Variants in ADAMTSL3 observed in about 807,000 individuals in gnomAD.
ADAMTSL3 encodes ADAMTS-like protein 3.
ADAMTSL3 carries 128 observed loss-of-function variants against 201.7 expected under a neutral mutation model. The observed-to-expected ratio is 0.63, with a 90% CI of 0.55 to 0.73. The LOEUF (loss-of-function observed/expected upper bound fraction) is 0.73, where lower values mean the gene tolerates loss of function less well. Ranked by LOEUF, ADAMTSL3 falls within the 30% of genes least tolerant of loss-of-function variation. ADAMTSL3 has a pLI of 0.00. For missense variants in ADAMTSL3, 1,990 were observed against 2,119.6 expected (o/e 0.94, Z 1.20); for synonymous variants, 738 against 748.4 (o/e 0.99, Z 0.23).
At chr15:84,021,341 C>T in intron 25 of ADAMTSL3, 69 bp from the exon 26 acceptor site, 2 of 1,565,252 alleles carry the variant, frequency 1.3e-6, no homozygotes, top group African/African-American at 1.4e-5. Flanking sequence ...TGGTTTTTGG[C>T]CATGTCTTCT....
intron 2 of ADAMTSL3, among the ~76,000 whole-genome samples, chr15:83,683,591 C>T (rs2061501545): frequency 6.6e-6 from 1 of 152,184 alleles, no homozygotes. Flanking sequence ...AATGAAGACT[C>T]ATTTGAGCAT....
At position 84,038,499 on chromosome 15, in the gene ADAMTSL3, A is replaced by G. The variant is rs2068548930; in HGVS notation, c.*693A>G. On this transcript the variant is annotated 3_prime_UTR_variant, in exon 30 of 30. Coordinates refer to ENST00000286744, the MANE Select transcript of ADAMTSL3 (RefSeq NM_207517.3). ...GACCTAATGAGGCATCTCGGAAGTCAAAGAAGAGGGAAAGTTAACCTTTTC... is the reference window on the plus strand; with the variant it reads ...GACCTAATGAGGCATCTCGGAAGTCGAAGAAGAGGGAAAGTTAACCTTTTC... The G allele has an allele frequency of 1.3e-5, 2 of 152,664 alleles. No homozygotes were observed. The highest frequency in any genetic ancestry group is 4.1e-4 in the South Asian group (2 of 4,832). The allele number at this position is 152,664 out of a possible 1,614,324, so 9.5% of individuals were successfully genotyped here. A position where few individuals can be genotyped will look rare whatever the true frequency, so the allele number is the denominator to read the frequency against.
chr15:83,818,170 C>A (rs990653869), intron 5 of ADAMTSL3, among the ~76,000 whole-genome samples: 3 of 152,010 alleles, frequency 2.0e-5, no homozygotes, highest in African/African-American at 7.3e-5. Context: ...AGAAAGAAGT[C>A]CTTGGTAAAT....
chr15:84,018,451 A>C (rs2045351995), intron 25 of ADAMTSL3, among the ~76,000 whole-genome samples: 1 of 152,234 alleles, frequency 6.6e-6, no homozygotes. Context: ...TAAGTATTTA[A>C]GATATTTCTC....
Position 83,737,030 on chromosome 15 carries a change from T to C in ADAMTSL3, c.189+32522T>C, listed in dbSNP as rs144502035. On this transcript the variant is annotated intron_variant, in intron 3 of 29. Coordinates refer to ENST00000286744, the MANE Select transcript of ADAMTSL3 (RefSeq NM_207517.3). ...ACAGAAGAATATTTTAAAGTATAGC[T>C]AATTACTATCCTTATGTAATGTTAA... Among the ~76,000 whole-genome samples the C allele has an allele frequency of 9.0e-3, 1,373 of 152,324 alleles. 20 individuals carry two copies. The highest frequency in any genetic ancestry group is 0.031 in the African/African-American group (1,291 of 41,566).
At chr15:83,899,995 T>G (rs549437973) in intron 15 of ADAMTSL3, among the ~76,000 whole-genome samples, 1 of 152,188 alleles carries the variant, frequency 6.6e-6, no homozygotes, top group East Asian at 1.9e-4. Flanking sequence ...CTTAAGAGAC[T>G]GGGGATAATT....
chr15:83,867,987 A>T (rs574330053), intron 8 of ADAMTSL3, among the ~76,000 whole-genome samples: 55 of 152,266 alleles, frequency 3.6e-4, no homozygotes, highest in Middle Eastern at 3.4e-3. Context: ...TTGATTTCTA[A>T]TTTTTACTCT....
chr15:83,977,367 C>T (rs1271854303), intron 20 of ADAMTSL3, among the ~76,000 whole-genome samples: 2 of 152,146 alleles, frequency 1.3e-5, no homozygotes, highest in Admixed American at 1.3e-4. Context: ...CTTGAGGGAC[C>T]TGGAAGAGAT....
At chr15:83,965,074 A>AG (rs1247271130) in intron 19 of ADAMTSL3, among the ~76,000 whole-genome samples, 1 of 152,198 alleles carries the variant, frequency 6.6e-6, no homozygotes, top group Non-Finnish European at 1.5e-5. Flanking sequence ...AAACATACCA[A>AG]ATTGTAAAGA....
rs937708040 is a variant in ADAMTSL3, at chr15:84,039,341, T to C, written c.*1535T>C. On this transcript the variant is annotated 3_prime_UTR_variant, in exon 30 of 30. Transcript: ENST00000286744. ...AGCTTGCTGAGTTTCTCTACCATATTCTGAGCACACGGTCTCTTTTGTTCT... is the reference window on the plus strand; with the variant it reads ...AGCTTGCTGAGTTTCTCTACCATATCCTGAGCACACGGTCTCTTTTGTTCT... 2.6e-5 allele frequency: 4 copies of C among 152,662 alleles called. No individual in the cohort carries two copies. Among genetic ancestry groups the C allele is most frequent in the Non-Finnish European group, 5.9e-5 (4 of 68,084 alleles). 9.5% of individuals were successfully genotyped at this position (152,662 alleles called of 1,614,324 possible).
intron 24 of ADAMTSL3, among the ~76,000 whole-genome samples, chr15:84,015,711 A>G (rs567994541): frequency 1.3e-5 from 2 of 152,312 alleles, no homozygotes; most frequent in African/African-American, 2.4e-5. Flanking sequence ...TTCGAATGGA[A>G]GAGTTGCAAC....
intron 2 of ADAMTSL3, among the ~76,000 whole-genome samples, chr15:83,678,548 C>A (rs1246404054): frequency 6.6e-6 from 1 of 150,924 alleles, no homozygotes; most frequent in Non-Finnish European, 1.5e-5. Flanking sequence ...TTCTCTCTAG[C>A]TGATTTTTAG....
intron 9 of ADAMTSL3, among the ~76,000 whole-genome samples, chr15:83,876,434 A>G (rs541447417): frequency 7.4e-6 from 1 of 135,418 alleles, no homozygotes; most frequent in African/African-American, 3.0e-5. Flanking sequence ...AATTCATTCT[A>G]TTTTCATTTT....
At chr15:83,724,669 C>A (rs770077938) in intron 3 of ADAMTSL3, among the ~76,000 whole-genome samples, 3 of 151,632 alleles carry the variant, frequency 2.0e-5, no homozygotes, top group Non-Finnish European at 4.4e-5. Flanking sequence ...ATTTTTGTAC[C>A]CATTAGCCAT....
At chr15:83,859,174 A>C (rs1212104297) in intron 8 of ADAMTSL3, among the ~76,000 whole-genome samples, 1 of 152,236 alleles carries the variant, frequency 6.6e-6, no homozygotes, top group Non-Finnish European at 1.5e-5. Flanking sequence ...GTCACAAATT[A>C]ATACTGGAGG....
chr15:83,888,403 ATTT>A (rs35352567), intron 10 of ADAMTSL3, among the ~76,000 whole-genome samples: 1 of 151,188 alleles, frequency 6.6e-6, no homozygotes, highest in African/African-American at 2.4e-5. Context: ...TAGAACAAAG[ATTT>A]TTTTTTTCTG....
At chr15:83,851,164 G>T (rs1276809476) in intron 7 of ADAMTSL3, among the ~76,000 whole-genome samples, 6 of 152,190 alleles carry the variant, frequency 3.9e-5, no homozygotes, top group Non-Finnish European at 8.8e-5. Context: ...GTATCACAGA[G>T]ACTTCTACAA....
chr15:83,943,743 C>T (rs2066606270), intron 19 of ADAMTSL3, among the ~76,000 whole-genome samples: 1 of 152,176 alleles, frequency 6.6e-6, no homozygotes, highest in Non-Finnish European at 1.5e-5. Flanking sequence ...TTACACTGCC[C>T]ACTTGATCTT....
chr15:83,805,185 C>T (rs2063582833), intron 5 of ADAMTSL3, among the ~76,000 whole-genome samples: 1 of 152,184 alleles, frequency 6.6e-6, no homozygotes, highest in Non-Finnish European at 1.5e-5. Flanking sequence ...CAGCAAATCA[C>T]ACAGAAATAT....
Sources: gnomAD v4.1 joint callset for allele counts (sites outside exome capture counted in the v4.1 genomes callset) on GRCh38, gnomAD v4.1.1 for gene constraint, MANE v1.5 for transcripts, NCBI Gene and HGNC (gene_info 2026-07-23, HGNC 2026-07-21) for gene names.